The following AGAP1 variants were observed in gnomAD, a reference collection of about 807,000 sequenced individuals.
AGAP1 encodes arf-GAP with GTPase, ANK repeat and PH domain-containing protein 1.
AGAP1 carries 29 observed loss-of-function variants against 105.3 expected under a neutral mutation model. The ratio of observed to expected loss-of-function variants is 0.28; its 90% CI spans 0.21 to 0.38. The LOEUF is 0.38. AGAP1 is among the 10% of genes least tolerant of loss of function. AGAP1 has a pLI of 1.00. For synonymous variants in AGAP1, 509 were observed against 485.9 expected (o/e 1.05, Z -0.63); for missense variants, 998 against 1,165.1 (o/e 0.86, Z 2.09).
intron 6 of AGAP1, among the ~76,000 whole-genome samples, chr2:235,757,233 C>T (rs1004517748): frequency 6.6e-6 from 1 of 152,230 alleles, no homozygotes; most frequent in African/African-American, 2.4e-5. Flanking sequence ...GGTGATCTCA[C>T]ATAGACTTCT....
In AGAP1 at chr2:235,900,122, C is replaced by A. The variant is rs1370734523; in HGVS notation, c.1156-8616C>A. Among the ~76,000 whole-genome samples the A allele has an allele frequency of 6.6e-6, 1 of 152,228 alleles. No individual in the cohort carries two copies. The highest frequency in any genetic ancestry group is 1.5e-5 in the Non-Finnish European group (1 of 68,044). On this transcript the variant is annotated intron_variant, in intron 10 of 17. Coordinates refer to ENST00000304032, the MANE Select transcript of AGAP1 (RefSeq NM_001037131.3). The surrounding 1 kb of genome is among the most constrained non-coding windows in gnomAD (Gnocchi z 5.5). ...TCCACTGTACATGAAGCTGCCACCA[C>A]TGGTCCCCAACAAGGCCTCACCAGC...
intron 16 of AGAP1, among the ~76,000 whole-genome samples, chr2:236,100,452 T>A (rs1388307643): frequency 6.6e-6 from 1 of 152,196 alleles, no homozygotes; most frequent in Admixed American, 6.5e-5. Flanking sequence ...GCTTCCCAGC[T>A]ACACAGCCAA....
chr2:236,098,529 C>T (rs1050637945), intron 16 of AGAP1, among the ~76,000 whole-genome samples: 2 of 151,844 alleles, frequency 1.3e-5, no homozygotes, highest in Non-Finnish European at 2.9e-5. Context: ...AAGATTGCAC[C>T]ACTGCAATCC....
intron 9 of AGAP1, among the ~76,000 whole-genome samples, chr2:235,868,513 G>A (rs374086590): frequency 2.0e-5 from 3 of 152,098 alleles, no homozygotes; most frequent in Non-Finnish European, 4.4e-5. Flanking sequence ...CCATCACCCC[G>A]TAGGAGCTTA....
At position 235,919,043 on chromosome 2, in the gene AGAP1, G is replaced by T. The variant is rs1384122571; in HGVS notation, c.1324+10137G>T. ...CTTTTTTTCTCTCAAAAATGTGTGTGGGCAGGGAGGAATAGTGTTTCAGCT... is the reference window on the plus strand; with the variant it reads ...CTTTTTTTCTCTCAAAAATGTGTGTTGGCAGGGAGGAATAGTGTTTCAGCT... On this transcript the variant is annotated intron_variant, in intron 11 of 17. Coordinates refer to ENST00000304032, the MANE Select transcript of AGAP1 (RefSeq NM_001037131.3). The surrounding 1 kb of genome is among the most constrained non-coding windows in gnomAD (Gnocchi z 4.1). Among the ~76,000 whole-genome samples the T allele has an allele frequency of 2.0e-5, 3 of 152,152 alleles. No individual in the cohort carries two copies. The highest frequency in any genetic ancestry group is 1.3e-4 in the Admixed American group (2 of 15,276).
chr2:235,740,912 T>G lies in AGAP1; in HGVS notation c.311-51T>G. 1 of 1,612,160 alleles carries G rather than the reference T, an allele frequency of 6.2e-7. No individual in the cohort carries two copies. The highest frequency in any genetic ancestry group is 8.5e-7 in the Non-Finnish European group (1 of 1,178,374). On this transcript the variant is annotated intron_variant, in intron 3 of 17. Coordinates refer to ENST00000304032, the MANE Select transcript of AGAP1 (RefSeq NM_001037131.3). The surrounding 1 kb of genome is among the most constrained non-coding windows in gnomAD (Gnocchi z 5.7). ...AAGCGAAGCCCACGTCTGTCTGCCC[T>G]CCTCACTCTCTGTTGTTCTCGTGTA...
chr2:235,813,081 A>G (rs893167723), intron 9 of AGAP1, among the ~76,000 whole-genome samples: 2 of 152,120 alleles, frequency 1.3e-5, no homozygotes, highest in Non-Finnish European at 2.9e-5. Flanking sequence ...CTCAAATCTC[A>G]TACTGTCATT....
intron 1 of AGAP1, among the ~76,000 whole-genome samples, chr2:235,592,137 C>CT (rs1945364832): frequency 6.6e-6 from 1 of 152,228 alleles, no homozygotes; most frequent in Non-Finnish European, 1.5e-5. Context: ...GGACAGCGCC[C>CT]TGTGGCCAGG....
chr2:235,569,105 C>T lies in AGAP1; in HGVS notation c.163+74256C>T, dbSNP rs537884368. Among the ~76,000 whole-genome samples, 28 of 152,278 alleles carry T rather than the reference C, an allele frequency of 1.8e-4. No homozygotes were observed. The highest frequency in any genetic ancestry group is 6.3e-4 in the African/African-American group (26 of 41,564). ...GGGACCCATGATTCAGTTTCCCTCA[C>T]GTTGTCAGAGACCATCCTGGCCAAC... On this transcript the variant is annotated intron_variant, in intron 1 of 17. Coordinates refer to ENST00000304032, the MANE Select transcript of AGAP1 (RefSeq NM_001037131.3). The surrounding 1 kb of genome is among the most constrained non-coding windows in gnomAD (Gnocchi z 5.9).
At chr2:236,107,141 C>T (rs1310499561) in intron 16 of AGAP1, among the ~76,000 whole-genome samples, 2 of 142,424 alleles carry the variant, frequency 1.4e-5, no homozygotes, top group African/African-American at 5.1e-5. Context: ...GATTCTCCTG[C>T]GGAACCTCAA....
rs1949683254 is a variant in AGAP1, at chr2:235,690,373, C to A, written c.164-18806C>A. Among the ~76,000 whole-genome samples, 1 of 152,134 alleles carries A rather than the reference C, an allele frequency of 6.6e-6. No individual in the cohort carries two copies. The highest frequency in any genetic ancestry group is 1.9e-4 in the East Asian group (1 of 5,182). On this transcript the variant is annotated intron_variant, in intron 1 of 17. Transcript: ENST00000304032. The surrounding 1 kb of genome is among the most constrained non-coding windows in gnomAD (Gnocchi z 4.1). ...CCTGGGGGCAGGTGCAGGAGGGAGCCTGGCTCTTCAGGTTAAATTGTGTTT... is the reference window on the plus strand; with the variant it reads ...CCTGGGGGCAGGTGCAGGAGGGAGCATGGCTCTTCAGGTTAAATTGTGTTT...
At chr2:235,966,655 G>A (rs954514220) in intron 12 of AGAP1, among the ~76,000 whole-genome samples, 1 of 152,132 alleles carries the variant, frequency 6.6e-6, no homozygotes, top group African/African-American at 2.4e-5. Context: ...GAGTGCACAT[G>A]GTTGACACAG....
chr2:235,582,725 G>A lies in AGAP1; in HGVS notation c.163+87876G>A, dbSNP rs1380750293. Among the ~76,000 whole-genome samples the A allele has an allele frequency of 1.3e-5, 2 of 152,264 alleles. No individual in the cohort carries two copies. The highest frequency in any genetic ancestry group is 2.4e-5 in the African/African-American group (1 of 41,474). Reference sequence around the variant, plus strand: ...GGAGCCTGGGAGAAGTCAGAGAGAGGGGGCTCGTGGTCCTTCTTGGGCTCT... The same window carrying A: ...GGAGCCTGGGAGAAGTCAGAGAGAGAGGGCTCGTGGTCCTTCTTGGGCTCT... On this transcript the variant is annotated intron_variant, in intron 1 of 17. Coordinates refer to ENST00000304032, the MANE Select transcript of AGAP1 (RefSeq NM_001037131.3). The surrounding 1 kb of genome is among the most constrained non-coding windows in gnomAD (Gnocchi z 4.7).
intron 13 of AGAP1, among the ~76,000 whole-genome samples, chr2:235,990,326 A>G (rs1019138798): frequency 1.3e-5 from 2 of 152,284 alleles, no homozygotes; most frequent in South Asian, 4.1e-4. Flanking sequence ...TTCCCTGCAA[A>G]GACGCTTCCC....
chr2:235,717,857 C>A (rs2149548711), intron 3 of AGAP1, among the ~76,000 whole-genome samples: 1 of 152,328 alleles, frequency 6.6e-6, no homozygotes, highest in Admixed American at 6.5e-5. Context: ...GCAGTAGAAC[C>A]ATGAAATACT....
chr2:235,840,262 C>G (rs1432930243), intron 9 of AGAP1, among the ~76,000 whole-genome samples: 2 of 149,594 alleles, frequency 1.3e-5, no homozygotes, highest in Non-Finnish European at 3.0e-5. Flanking sequence ...AGCCGCTGTC[C>G]ATTCTGATGG....
intron 11 of AGAP1, among the ~76,000 whole-genome samples, chr2:235,915,942 AAAG>A (rs2051857743): frequency 6.6e-6 from 1 of 152,190 alleles, no homozygotes; most frequent in South Asian, 2.1e-4. Flanking sequence ...GTTACCTACA[AAAG>A]AAGAGAAATC....
At chr2:235,836,154 A>T (rs1960128882) in intron 9 of AGAP1, among the ~76,000 whole-genome samples, 1 of 152,250 alleles carries the variant, frequency 6.6e-6, no homozygotes, top group South Asian at 2.1e-4. Flanking sequence ...ATAGTGGAAA[A>T]GCAATCAAAA....
intron 6 of AGAP1, among the ~76,000 whole-genome samples, chr2:235,761,483 C>A (rs1219083941): frequency 6.6e-6 from 1 of 152,210 alleles, no homozygotes; most frequent in Non-Finnish European, 1.5e-5. Context: ...TAATACTTCT[C>A]TGCACTGCGG....
Sources: gnomAD v4.1 joint callset for allele counts (sites outside exome capture counted in the v4.1 genomes callset) on GRCh38, gnomAD v4.1.1 for gene constraint, Gnocchi (gnomAD v3.1) non-coding constraint, MANE v1.5 for transcripts, NCBI Gene and HGNC (gene_info 2026-07-23, HGNC 2026-07-21) for gene names.